Variants in FLNB observed in about 807,000 individuals in gnomAD.
FLNB encodes the protein filamin B, also known as filamin-B.
FLNB carries 111 observed loss-of-function variants against 250.6 expected under a neutral mutation model. That is an observed-to-expected ratio of 0.44 (90% CI 0.38 to 0.52). The LOEUF (loss-of-function observed/expected upper bound fraction) is 0.52, where lower values mean the gene tolerates loss of function less well. Among genes scored for constraint, FLNB ranks in the 20% least tolerant of loss-of-function variants. FLNB has a pLI of 0.00. For missense variants in FLNB, 2,869 were observed against 3,447.8 expected, an observed-to-expected ratio of 0.83 and a Z score of 4.20; for synonymous variants, 1,302 against 1,372.1, an observed-to-expected ratio of 0.95 and a Z score of 1.13.
At position 58,138,376 on chromosome 3, in the gene FLNB, T is replaced by A. The variant is rs763513685; in HGVS notation, c.4956T>A (p.Val1652=). ...TAGKGKVTCT[V]LTPDGTEAEA... ...GGAAGGGTAAAGTGACCTGCACGGTTCTGACCCCAGATGGCACTGAGGCCG... is the reference window on the plus strand; with the variant it reads ...GGAAGGGTAAAGTGACCTGCACGGTACTGACCCCAGATGGCACTGAGGCCG... Residue 1652 remains valine, a synonymous_variant, in exon 29 of 46, where the codon GTT becomes GTA. Coordinates refer to ENST00000295956, the MANE Select transcript of FLNB (RefSeq NM_001457.4). 6.2e-7 allele frequency: 1 copy of A among 1,614,250 alleles called. No individual in the cohort carries two copies. The highest frequency in any genetic ancestry group is 1.7e-5 in the Admixed American group (1 of 60,032).
At chr3:58,159,959 G>T (rs2097358879) in intron 42 of FLNB, among the ~76,000 whole-genome samples, 1 of 151,954 alleles carries the variant, frequency 6.6e-6, no homozygotes, top group Non-Finnish European at 1.5e-5. Flanking sequence ...AGAGGTCAAG[G>T]CTGCAGTGAG....
At chr3:58,103,875 T>C in intron 9 of FLNB, 84 bp from the exon 10 acceptor site, 2 of 1,544,642 alleles carry the variant, frequency 1.3e-6, no homozygotes, top group Non-Finnish European at 1.8e-6. Context: ...TTGTTCAGTG[T>C]GGCTGCCTCT....
chr3:58,149,578 G>T, intron 36 of FLNB: 3 of 511,198 alleles, frequency 5.9e-6, no homozygotes, highest in South Asian at 2.1e-5. Flanking sequence ...CAGTTTGTAC[G>T]GGACACATCA....
chr3:58,155,867 GTC>G, intron 40 of FLNB, 91 bp from the exon 41 acceptor site: 1 of 830,656 alleles, frequency 1.2e-6, no homozygotes, highest in Non-Finnish European at 2.0e-6. Flanking sequence ...GGAGGGCTGG[GTC>G]TCTCTGAAGG....
At chr3:58,079,653 G>C (rs1383199116) in intron 3 of FLNB, among the ~76,000 whole-genome samples, 10 of 152,180 alleles carry the variant, frequency 6.6e-5, no homozygotes, top group Non-Finnish European at 1.5e-4. Context: ...AATATAACAA[G>C]AGAACTCAGA....
Position 58,075,070 on chromosome 3 carries a change from A to G in FLNB, c.293-1976A>G, listed in dbSNP as rs930439080. On this transcript the variant is annotated intron_variant, in intron 1 of 45. Coordinates refer to ENST00000295956, the MANE Select transcript of FLNB (RefSeq NM_001457.4). Reference sequence around the variant, plus strand: ...AACAATAATCAGGTTAATTAAAAAAATAAGGCTCTCACCCTTTCATTTTTG... The same window carrying G: ...AACAATAATCAGGTTAATTAAAAAAGTAAGGCTCTCACCCTTTCATTTTTG... Among the ~76,000 whole-genome samples, 3 of 151,958 alleles carry G rather than the reference A, an allele frequency of 2.0e-5. No individual in the cohort carries two copies. In the East Asian group the frequency reaches 5.8e-4, roughly 29 times the overall value.
intron 1 of FLNB, among the ~76,000 whole-genome samples, chr3:58,010,351 C>T (rs2097096752): frequency 6.6e-6 from 1 of 152,206 alleles, no homozygotes; most frequent in African/African-American, 2.4e-5. Context: ...GGCCTTAGGG[C>T]CTCACCCTTC....
chr3:58,101,529 T>C (rs2097251223), intron 8 of FLNB, among the ~76,000 whole-genome samples: 1 of 152,202 alleles, frequency 6.6e-6, no homozygotes, highest in African/African-American at 2.4e-5. Flanking sequence ...GACTTACAAC[T>C]CTAGGTTTTC....
chr3:58,078,186 T>C (rs1293586395), intron 2 of FLNB: 4 of 1,016,262 alleles, frequency 3.9e-6, no homozygotes, highest in South Asian at 2.6e-5. Flanking sequence ...TTTCCTAATA[T>C]CCTCTTCTTT....
intron 28 of FLNB, among the ~76,000 whole-genome samples, chr3:58,136,534 G>C (rs1320729814): frequency 6.6e-6 from 1 of 152,126 alleles, no homozygotes; most frequent in Non-Finnish European, 1.5e-5. Context: ...TTTATGAGTA[G>C]ATAGTTACTC....
chr3:58,166,332 G>A (rs1274350186), intron 43 of FLNB, among the ~76,000 whole-genome samples: 8 of 152,130 alleles, frequency 5.3e-5, no homozygotes, highest in Admixed American at 5.2e-4. Context: ...GCTCATGCCT[G>A]TAATCAAAGC....
intron 1 of FLNB, among the ~76,000 whole-genome samples, chr3:58,032,348 C>T (rs536299973): frequency 3.9e-5 from 6 of 152,274 alleles, no homozygotes; most frequent in African/African-American, 1.2e-4. Context: ...CAGGATTTCT[C>T]TCCCCCTACC....
At chr3:58,112,385 G>C (rs139531304) in intron 18 of FLNB, 67 bp downstream of exon 18, 35 of 1,500,960 alleles carry the variant, frequency 2.3e-5, no homozygotes, top group Middle Eastern at 2.4e-4. Flanking sequence ...GTCGGTGCTG[G>C]GTCACTGTGG....
chr3:58,022,097 T>C (rs942929636), intron 1 of FLNB, among the ~76,000 whole-genome samples: 1 of 152,166 alleles, frequency 6.6e-6, no homozygotes, highest in Non-Finnish European at 1.5e-5. Context: ...CTGAGCCGTA[T>C]TGGTGTTCTA....
intron 1 of FLNB, among the ~76,000 whole-genome samples, chr3:58,069,576 A>G (rs1294288951): frequency 6.6e-6 from 1 of 151,606 alleles, no homozygotes; most frequent in Non-Finnish European, 1.5e-5. Context: ...TTGGTGCTGC[A>G]TATGAGATCT....
intron 9 of FLNB, among the ~76,000 whole-genome samples, chr3:58,103,377 T>C (rs2107089014): frequency 6.6e-6 from 1 of 152,294 alleles, no homozygotes; most frequent in East Asian, 1.9e-4. Context: ...TCAACGGCTT[T>C]CCTGGCCAAA....
At chr3:58,158,208 A>G (rs546785909) in intron 41 of FLNB, among the ~76,000 whole-genome samples, 166 of 152,326 alleles carry the variant, frequency 1.1e-3, no homozygotes, top group Middle Eastern at 3.4e-3. Context: ...GCACAGTCCA[A>G]TAGTAGGTTC....
chr3:58,134,809 C>G, intron 27 of FLNB, 37 bp downstream of exon 27: 2 of 1,590,610 alleles, frequency 1.3e-6, no homozygotes, highest in Non-Finnish European at 1.7e-6. Flanking sequence ...AACCTTAATC[C>G]TAAGACTTAA....
chr3:58,053,824 T>C (rs1466383767), intron 1 of FLNB, among the ~76,000 whole-genome samples: 1 of 152,140 alleles, frequency 6.6e-6, no homozygotes, highest in East Asian at 1.9e-4. Context: ...TCTTACTAAT[T>C]TTACAGGCCC....
Sources: allele counts gnomAD v4.1 joint callset (sites outside exome capture counted in the v4.1 genomes callset), GRCh38; gene constraint gnomAD v4.1.1; transcripts MANE v1.5; gene names NCBI Gene and HGNC (gene_info 2026-07-23, HGNC 2026-07-21).